MAST4: variants seen among roughly 807,000 people sequenced by gnomAD.
MAST4 encodes the protein microtubule associated serine/threonine kinase family member 4.
A neutral mutation model predicts 162.7 loss-of-function variants in MAST4; 89 were observed. The ratio of observed to expected loss-of-function variants is 0.55; its 90% CI spans 0.46 to 0.65. The LOEUF is 0.65. MAST4 is among the 30% of genes least tolerant of loss of function. The pLI is 0.00. For synonymous variants in MAST4, 1,479 were observed against 1,361.1 expected (o/e 1.09, Z -1.91); for missense variants, 3,153 against 3,374.0 (o/e 0.93, Z 1.62).
chr5:67,078,911 A>AATAAATATATATATATATAAT (rs1227485756), intron 5 of MAST4, among the ~76,000 whole-genome samples: 552 of 38,052 alleles, frequency 0.015, 22 homozygotes, highest in Middle Eastern at 0.023. Flanking sequence ...TTTTTATATA[A>AATAAATATATATATATATAAT]ATATATATAT....
intron 3 of MAST4, among the ~76,000 whole-genome samples, chr5:66,837,876 ATATATATATATATATATATTTTTTTTTTT>A (rs1188884689): frequency 4.7e-4 from 23 of 48,646 alleles, no homozygotes; most frequent in African/African-American, 2.3e-3. Flanking sequence ...ATATATATAT[ATATATATATATATATATATTTTTTTTTTT>A]TTTTTTTTTT....
At chr5:67,082,147 CTTTTTTT>C (rs60811351) in intron 5 of MAST4, among the ~76,000 whole-genome samples, 1 of 125,790 alleles carries the variant, frequency 7.9e-6, no homozygotes, top group Non-Finnish European at 1.6e-5. Flanking sequence ...TACCTGTAAT[CTTTTTTT>C]TTTTTTTTTT....
intron 3 of MAST4, among the ~76,000 whole-genome samples, chr5:66,800,110 G>A (rs1010641717): frequency 2.0e-5 from 3 of 152,220 alleles, no homozygotes; most frequent in Non-Finnish European, 4.4e-5. Flanking sequence ...AGCTGGCCTT[G>A]TGACGATAAG....
chr5:67,144,698 G>C lies in MAST4; in HGVS notation c.2760G>C (p.Gln920His). The C allele has an allele frequency of 1.9e-6, 3 of 1,613,918 alleles. No individual in the cohort carries two copies. The South Asian group carries it at 3.3e-5, about 18-fold the overall frequency. ...TCAGCAGTATAGATCGAATCACTCA[G>C]AATTCAGCAGAAGAGAAGGAAGACT... ...KVFSSIDRIT[Q>H]NSAEEKEDSV... is the part of the protein sequence containing the mutation. The change falls in exon 22 of 29, where the codon CAG becomes CAC. Residue 920 changes from glutamine to histidine, a missense_variant. Physicochemically the swap from Gln to His is conservative, Grantham distance 24. This residue lies in a region of MAST4 where 619 missense variants were observed against 744.2 expected (regional missense o/e 0.83). Transcript: ENST00000403625.
chr5:67,157,961 G>A (rs1465483143), intron 26 of MAST4, among the ~76,000 whole-genome samples: 1 of 152,180 alleles, frequency 6.6e-6, no homozygotes, highest in Non-Finnish European at 1.5e-5. Flanking sequence ...GAGTGGAACT[G>A]GATTCCAGCT....
chr5:66,760,635 A>G (rs946368747), intron 2 of MAST4, among the ~76,000 whole-genome samples: 1 of 152,140 alleles, frequency 6.6e-6, no homozygotes, highest in African/African-American at 2.4e-5. Flanking sequence ...ACATTAATGG[A>G]AGCAGAGTAT....
At chr5:66,802,579 C>A (rs33724) in intron 3 of MAST4, among the ~76,000 whole-genome samples, 3 of 152,026 alleles carry the variant, frequency 2.0e-5, no homozygotes, top group Admixed American at 6.5e-5. Flanking sequence ...TGTTTGAAGA[C>A]TGAGTTTTGG....
intron 4 of MAST4, among the ~76,000 whole-genome samples, chr5:66,988,099 A>G (rs1561507816): frequency 6.6e-6 from 1 of 152,132 alleles, no homozygotes; most frequent in Non-Finnish European, 1.5e-5. Context: ...TTCCATTACA[A>G]CAGATTTTAA....
rs1773985259 is a variant in MAST4 at position 67,166,444 on chromosome 5, C to T, written c.7265C>T (p.Pro2422Leu). 6.2e-7 allele frequency: 1 copy of T among 1,602,592 alleles called. No individual in the cohort carries two copies. The highest frequency in any genetic ancestry group is 1.3e-5 in the African/African-American group (1 of 74,800). ...TTCCCTGAGGCCAGAGGGAAAGGGCCCGGTCCCCAGAAGCCACCGACGGAG... is the reference window on the plus strand; with the variant it reads ...TTCCCTGAGGCCAGAGGGAAAGGGCTCGGTCCCCAGAAGCCACCGACGGAG... ...KGFPEARGKGPGPQKPPTEAD... is the reference protein window; with the variant it reads ...KGFPEARGKGLGPQKPPTEAD... Residue 2422 changes from proline (P) to leucine (L), a missense_variant, in exon 29 of 29, where the codon CCC (proline) becomes CTC (leucine). Physicochemically the swap from Pro to Leu is moderately conservative, Grantham distance 98. Transcript: ENST00000403625.
intron 4 of MAST4, among the ~76,000 whole-genome samples, chr5:66,908,479 G>A (rs763199491): frequency 4.6e-5 from 7 of 152,118 alleles, no homozygotes; most frequent in Non-Finnish European, 4.4e-5. Flanking sequence ...ACTTTTCAAG[G>A]TGAATCTAAA....
intron 4 of MAST4, among the ~76,000 whole-genome samples, chr5:66,976,474 C>G (rs1748159632): frequency 6.6e-6 from 1 of 152,252 alleles, no homozygotes. Context: ...CATCCCTCCC[C>G]TCAGGGAGCT....
chr5:66,953,332 C>G (rs529265896), intron 4 of MAST4, among the ~76,000 whole-genome samples: 6 of 152,278 alleles, frequency 3.9e-5, no homozygotes, highest in East Asian at 3.9e-4. Flanking sequence ...AAAACTCGTA[C>G]GTTTAAATCC....
At chr5:67,156,294 G>A in intron 26 of MAST4, among the ~76,000 whole-genome samples, 1 of 152,142 alleles carries the variant, frequency 6.6e-6, no homozygotes, top group Non-Finnish European at 1.5e-5. Context: ...AGTATAAGAT[G>A]ATTTGCACCC....
intron 5 of MAST4, among the ~76,000 whole-genome samples, chr5:67,073,892 C>T (rs983422069): frequency 2.0e-5 from 3 of 151,922 alleles, no homozygotes; most frequent in Non-Finnish European, 2.9e-5. Flanking sequence ...TATAGTTGAA[C>T]ATTTAATATA....
intron 1 of MAST4, among the ~76,000 whole-genome samples, chr5:66,694,711 T>G (rs1749284526): frequency 6.6e-6 from 1 of 152,188 alleles, no homozygotes; most frequent in African/African-American, 2.4e-5. Flanking sequence ...GGTCTTGAAC[T>G]CCTGATCTCA....
At chr5:67,096,414 G>T (rs1429124311) in intron 7 of MAST4, among the ~76,000 whole-genome samples, 1 of 152,140 alleles carries the variant, frequency 6.6e-6, no homozygotes, top group Non-Finnish European at 1.5e-5. Context: ...CTAGTAGATT[G>T]CAGGTGTTCA....
intron 4 of MAST4, among the ~76,000 whole-genome samples, chr5:66,939,919 A>T (rs1424347166): frequency 6.6e-6 from 1 of 152,138 alleles, no homozygotes; most frequent in Non-Finnish European, 1.5e-5. Context: ...AATGTACATT[A>T]GCCAGGCTGT....
chr5:66,849,304 A>G (rs1399038493), intron 3 of MAST4, among the ~76,000 whole-genome samples: 1 of 152,158 alleles, frequency 6.6e-6, no homozygotes, highest in Non-Finnish European at 1.5e-5. Flanking sequence ...ACTAGAGTCT[A>G]TCAAGTCTTC....
chr5:66,703,803 ATGTT>A (rs1184010628), intron 1 of MAST4, among the ~76,000 whole-genome samples: 1 of 152,204 alleles, frequency 6.6e-6, no homozygotes, highest in East Asian at 1.9e-4. Context: ...GGAAAGAAGT[ATGTT>A]TATCTCTGCT....
Sources: gnomAD v4.1 joint callset for allele counts (sites outside exome capture counted in the v4.1 genomes callset) on GRCh38, gnomAD v4.1.1 for gene constraint, gnomAD v4.1.1 regional missense constraint, MANE v1.5 for transcripts, NCBI Gene and HGNC (gene_info 2026-07-23, HGNC 2026-07-21) for gene names.